Variants in WDFY2 observed in about 807,000 individuals in gnomAD.
WDFY2 encodes the protein WD repeat and FYVE domain containing 2, also known as WD repeat and FYVE domain-containing protein 2.
In WDFY2, 36 loss-of-function variants were observed where a neutral mutation model predicts 56.4. That is an observed-to-expected ratio of 0.64 (90% CI 0.49 to 0.84). The LOEUF is 0.84. Ranked by LOEUF, WDFY2 falls within the 40% of genes least tolerant of loss-of-function variation. The pLI, the probability that WDFY2 is intolerant of heterozygous loss-of-function variation, is 0.00. For synonymous variants in WDFY2, 176 were observed against 183.7 expected (o/e 0.96, Z 0.34); for missense variants, 444 against 512.2 (o/e 0.87, Z 1.29).
At chr13:51,647,335 C>T (rs1419218601) in intron 1 of WDFY2, among the ~76,000 whole-genome samples, 5 of 152,200 alleles carry the variant, frequency 3.3e-5, no homozygotes, top group Non-Finnish European at 5.9e-5. Flanking sequence ...TATATATAGC[C>T]TGTCATTCCT....
At chr13:51,601,234 G>A (rs1343922062) in intron 1 of WDFY2, among the ~76,000 whole-genome samples, 3 of 152,100 alleles carry the variant, frequency 2.0e-5, no homozygotes, top group African/African-American at 7.2e-5. Context: ...AGACTGCCAA[G>A]CATATATGGG....
At chr13:51,744,686 G>A (rs946413302) in intron 7 of WDFY2, among the ~76,000 whole-genome samples, 1 of 152,194 alleles carries the variant, frequency 6.6e-6, no homozygotes, top group Non-Finnish European at 1.5e-5. Flanking sequence ...TGTGAAAAGT[G>A]GGGGCTTTGT....
At chr13:51,708,282 A>G (rs960707587) in intron 4 of WDFY2, among the ~76,000 whole-genome samples, 2 of 150,830 alleles carry the variant, frequency 1.3e-5, no homozygotes, top group Non-Finnish European at 3.0e-5. Flanking sequence ...CTTTCAGCCC[A>G]GGAGTTTGAG....
intron 1 of WDFY2, among the ~76,000 whole-genome samples, chr13:51,596,048 A>G (rs1249978470): frequency 6.6e-6 from 1 of 152,186 alleles, no homozygotes; most frequent in Non-Finnish European, 1.5e-5. Flanking sequence ...ATATTCCTGG[A>G]GTCAGTTTAC....
intron 1 of WDFY2, among the ~76,000 whole-genome samples, chr13:51,596,119 T>C (rs912776353): frequency 2.0e-5 from 3 of 152,344 alleles, no homozygotes; most frequent in Admixed American, 6.5e-5. Context: ...GAAGGAGTGT[T>C]GGAATGGCTA....
chr13:51,647,428 A>T (rs775724235), intron 1 of WDFY2, among the ~76,000 whole-genome samples: 3 of 152,202 alleles, frequency 2.0e-5, no homozygotes, highest in Non-Finnish European at 4.4e-5. Context: ...GTGTATCTAA[A>T]CATAAAAAGC....
At chr13:51,642,359 C>T (rs1955183577) in intron 1 of WDFY2, among the ~76,000 whole-genome samples, 1 of 152,122 alleles carries the variant, frequency 6.6e-6, no homozygotes. Flanking sequence ...ACAATCTCGG[C>T]TCACTGCAAC....
At chr13:51,659,225 C>T (rs1955567407) in intron 1 of WDFY2, among the ~76,000 whole-genome samples, 1 of 152,164 alleles carries the variant, frequency 6.6e-6, no homozygotes, top group East Asian at 1.9e-4. Context: ...CCGCGCACAG[C>T]CTGCTTATTT....
At chr13:51,691,225 CT>C (rs1302687443) in intron 3 of WDFY2, among the ~76,000 whole-genome samples, 4 of 152,046 alleles carry the variant, frequency 2.6e-5, no homozygotes, top group Non-Finnish European at 5.9e-5. Context: ...TCAATTTTGT[CT>C]TTTGTTGCCA....
intron 2 of WDFY2, among the ~76,000 whole-genome samples, chr13:51,662,361 G>A (rs1955631095): frequency 6.6e-6 from 1 of 152,096 alleles, no homozygotes; most frequent in African/African-American, 2.4e-5. Flanking sequence ...AGATGAGGGA[G>A]GGCTGTAATC....
chr13:51,688,838 TATC>T (rs1408209964), intron 3 of WDFY2, among the ~76,000 whole-genome samples: 2 of 152,226 alleles, frequency 1.3e-5, no homozygotes, highest in African/African-American at 2.4e-5. Flanking sequence ...TAAAAATAAA[TATC>T]AGCAACTAAA....
At chr13:51,663,127 CCTCT>C (rs373286695) in intron 2 of WDFY2, among the ~76,000 whole-genome samples, 126 of 151,792 alleles carry the variant, frequency 8.3e-4, no homozygotes, top group Non-Finnish European at 1.4e-3. Context: ...CAAGATGCCA[CCTCT>C]CTCTCTCTGT....
chr13:51,609,722 A>G lies in WDFY2; in HGVS notation c.137+24898A>G, dbSNP rs9596545. Among the ~76,000 whole-genome samples the G allele has an allele frequency of 1.9e-3, 296 of 151,830 alleles. 2 individuals carry two copies. Among genetic ancestry groups the G allele is most frequent in the African/African-American group, 6.5e-3 (269 of 41,396 alleles). ...GAAAAAAAATAGTGTTTGAAAAGCT[A>G]TCTGCTTGTTACCTTGAAAATTCAG... On this transcript the variant is annotated intron_variant, in intron 1 of 11. Transcript: ENST00000298125.
intron 7 of WDFY2, among the ~76,000 whole-genome samples, chr13:51,745,774 G>T (rs760061478): frequency 7.0e-6 from 1 of 143,126 alleles, no homozygotes; most frequent in South Asian, 2.2e-4. Flanking sequence ...AACCAGGCTG[G>T]TCTTATGAGG....
chr13:51,711,979 A>G (rs1952229181), intron 4 of WDFY2, among the ~76,000 whole-genome samples: 1 of 152,228 alleles, frequency 6.6e-6, no homozygotes. Context: ...TGCTATAAAG[A>G]CACATGTACA....
chr13:51,594,619 G>A (rs1242267275), intron 1 of WDFY2, among the ~76,000 whole-genome samples: 5 of 152,154 alleles, frequency 3.3e-5, no homozygotes, highest in Non-Finnish European at 4.4e-5. Context: ...TTGATTGCTT[G>A]CCACTATGTG....
chr13:51,655,449 T>G (rs565768015), intron 1 of WDFY2, among the ~76,000 whole-genome samples: 325 of 151,492 alleles, frequency 2.1e-3, no homozygotes, highest in African/African-American at 7.6e-3. Flanking sequence ...TGTTGAGGGG[T>G]GTGTGTGTGT....
intron 4 of WDFY2, among the ~76,000 whole-genome samples, chr13:51,718,994 C>T (rs1202784508): frequency 6.6e-6 from 1 of 151,976 alleles, no homozygotes. Context: ...TTTTTTTAAT[C>T]ACCCAAAACA....
At chr13:51,641,810 A>G (rs1272140034) in intron 1 of WDFY2, among the ~76,000 whole-genome samples, 1 of 125,994 alleles carries the variant, frequency 7.9e-6, no homozygotes, top group Admixed American at 9.6e-5. Flanking sequence ...TGGGCGACAG[A>G]GCGAGACTCC....
Sources: gnomAD v4.1 joint callset for allele counts (sites outside exome capture counted in the v4.1 genomes callset) on GRCh38, gnomAD v4.1.1 for gene constraint, MANE v1.5 for transcripts, NCBI Gene and HGNC (gene_info 2026-07-23, HGNC 2026-07-21) for gene names.